GAB2: variants seen among roughly 807,000 people sequenced by gnomAD.
GAB2 encodes the protein GRB2 associated binding protein 2.
In GAB2, 26 loss-of-function variants were observed where a neutral mutation model predicts 65.5. The observed-to-expected ratio is 0.40, with a 90% CI of 0.29 to 0.55. The LOEUF is 0.55. Among genes scored for constraint, GAB2 ranks in the 20% least tolerant of loss-of-function variants. GAB2 has a pLI of 0.53. For missense variants in GAB2, 884 were observed against 875.8 expected (o/e 1.01, Z -0.12); for synonymous variants, 321 against 329.6 (o/e 0.97, Z 0.28).
Position 78,356,312 on chromosome 11 carries a change from G to A in GAB2, c.75+61334C>T, listed in dbSNP as rs546224118. ...GCTACTACTGGATATTGGGGCACTT[G>A]AGGGTGAGAGGTTAGTACTAACAAC... On this transcript the variant is annotated intron_variant, in intron 1 of 9. Coordinates refer to ENST00000361507, the MANE Select transcript of GAB2 (RefSeq NM_080491.3). Among the ~76,000 whole-genome samples, 6 of 152,308 alleles carry A rather than the reference G, an allele frequency of 3.9e-5. No homozygotes were observed. The East Asian group carries it at 1.2e-3, about 29-fold the overall frequency.
intron 6 of GAB2, among the ~76,000 whole-genome samples, chr11:78,223,122 A>G (rs1035790134): frequency 6.6e-6 from 1 of 152,168 alleles, no homozygotes; most frequent in African/African-American, 2.4e-5. Flanking sequence ...CAGGAGAGTG[A>G]GATTGTAGCA....
intron 3 of GAB2, among the ~76,000 whole-genome samples, chr11:78,228,997 G>C: frequency 6.6e-6 from 1 of 152,164 alleles, no homozygotes. Flanking sequence ...ATCTGGGCCA[G>C]GCAAAAGGGA....
At chr11:78,344,561 T>C (rs1056583901) in intron 1 of GAB2, among the ~76,000 whole-genome samples, 7 of 152,242 alleles carry the variant, frequency 4.6e-5, no homozygotes, top group African/African-American at 1.7e-4. Context: ...ATTATGAAAC[T>C]CAGCTATGCT....
chr11:78,406,007 A>G (rs1857039509), intron 1 of GAB2, among the ~76,000 whole-genome samples: 1 of 152,166 alleles, frequency 6.6e-6, no homozygotes, highest in African/African-American at 2.4e-5. Flanking sequence ...CTGACTGACA[A>G]CCTAGACTTC....
At chr11:78,309,926 A>ATGTGTGTGTGTGTGTGTGTGTG (rs60718900) in intron 1 of GAB2, among the ~76,000 whole-genome samples, 10 of 135,692 alleles carry the variant, frequency 7.4e-5, no homozygotes, top group African/African-American at 2.7e-4. Context: ...AGGGTTAGAA[A>ATGTGTGTGTGTGTGTGTGTGTG]TGTGTGTGTG....
intron 1 of GAB2, among the ~76,000 whole-genome samples, chr11:78,397,506 G>A (rs762423910): frequency 6.6e-6 from 1 of 152,358 alleles, no homozygotes; most frequent in East Asian, 1.9e-4. Flanking sequence ...TGATGAGGTG[G>A]ATGGTGCAGG....
chr11:78,223,664 T>C lies in GAB2; in HGVS notation c.1315A>G (p.Ile439Val). ...GVGSFLPGKMIVGRSDSTNSE... is the reference protein window; with the variant it reads ...GVGSFLPGKMVVGRSDSTNSE... ...TTGGTGCTGTCCGATCGGCCCACAATCATTTTCCCTGGCTAGGGAGAGGAA... is the reference window on the plus strand; with the variant it reads ...TTGGTGCTGTCCGATCGGCCCACAACCATTTTCCCTGGCTAGGGAGAGGAA... The change falls in exon 6 of 10, where the codon ATT (isoleucine) becomes GTT (valine). Residue 439 changes from isoleucine to valine, a missense_variant. By Grantham distance (29) the Ile-to-Val change is conservative (BLOSUM62 3). Transcript: ENST00000361507. 1 of 1,600,234 alleles carries C rather than the reference T, an allele frequency of 6.2e-7. No individual in the cohort carries two copies. Among genetic ancestry groups the C allele is most frequent in the Non-Finnish European group, 8.5e-7 (1 of 1,172,634 alleles).
intron 1 of GAB2, among the ~76,000 whole-genome samples, chr11:78,329,875 T>C (rs1855886005): frequency 6.6e-6 from 1 of 152,256 alleles, no homozygotes; most frequent in Non-Finnish European, 1.5e-5. Flanking sequence ...TTAGAAAATC[T>C]GGAAAACTAA....
At chr11:78,373,232 T>C (rs558404675) in intron 1 of GAB2, among the ~76,000 whole-genome samples, 19 of 151,616 alleles carry the variant, frequency 1.3e-4, no homozygotes, top group Admixed American at 9.9e-4. Context: ...TAGGTGATTA[T>C]AATGACTTTT....
intron 1 of GAB2, among the ~76,000 whole-genome samples, chr11:78,297,226 G>C (rs1295797743): frequency 6.6e-6 from 1 of 151,934 alleles, no homozygotes; most frequent in Non-Finnish European, 1.5e-5. Context: ...ATGTCGGGAG[G>C]ATGAGAAAAC....
intron 1 of GAB2, among the ~76,000 whole-genome samples, chr11:78,302,279 C>T (rs1867044753): frequency 6.6e-6 from 1 of 152,124 alleles, no homozygotes; most frequent in Non-Finnish European, 1.5e-5. Context: ...TCTTCACAGT[C>T]TATACATCTG....
rs144366979 is a variant in GAB2, at chr11:78,216,563, A to G, written c.*2709T>C. ...CTACCCCTACACTTGCACCCGAGGG[A>G]TTTTGGTAGTTACCAGAATAGGGGG... On this transcript the variant is annotated 3_prime_UTR_variant, in exon 10 of 10. Transcript: ENST00000361507. 2.2e-3 allele frequency: 341 copies of G among 152,080 alleles called. No individual in the cohort carries two copies. The highest frequency in any genetic ancestry group is 8.0e-3 in the African/African-American group (331 of 41,408). 9.4% of individuals were successfully genotyped at this position (152,080 alleles called of 1,614,324 possible). A position where few individuals can be genotyped will look rare whatever the true frequency, so the allele number is the denominator to read the frequency against.
At chr11:78,327,043 T>G (rs568787865) in intron 1 of GAB2, among the ~76,000 whole-genome samples, 2 of 152,192 alleles carry the variant, frequency 1.3e-5, no homozygotes, top group Non-Finnish European at 2.9e-5. Flanking sequence ...CACCATTCTT[T>G]GTCTATACTC....
At chr11:78,300,022 T>C (rs1246023297) in intron 1 of GAB2, among the ~76,000 whole-genome samples, 1 of 152,194 alleles carries the variant, frequency 6.6e-6, no homozygotes, top group East Asian at 1.9e-4. Flanking sequence ...GGCTGAATTT[T>C]ACAAATGTAT....
intron 1 of GAB2, among the ~76,000 whole-genome samples, chr11:78,349,190 G>A (rs1395429973): frequency 6.6e-6 from 1 of 152,080 alleles, no homozygotes; most frequent in African/African-American, 2.4e-5. Context: ...CTTTGAAGTT[G>A]ATAAGGAAAA....
At chr11:78,310,513 CAAAAAAAA>C (rs11285625) in intron 1 of GAB2, among the ~76,000 whole-genome samples, 1 of 74,744 alleles carries the variant, frequency 1.3e-5, no homozygotes, top group Non-Finnish European at 2.8e-5. Flanking sequence ...GACTCTGTCT[CAAAAAAAA>C]AAAAAAAAAG....
chr11:78,256,401 T>C (rs897083980), intron 2 of GAB2, among the ~76,000 whole-genome samples: 11 of 152,170 alleles, frequency 7.2e-5, no homozygotes, highest in African/African-American at 2.4e-4. Flanking sequence ...AGGGGAGTGA[T>C]TCTAGAAATG....
chr11:78,326,960 G>C (rs1183498995), intron 1 of GAB2, among the ~76,000 whole-genome samples: 3 of 152,216 alleles, frequency 2.0e-5, no homozygotes, highest in Non-Finnish European at 4.4e-5. Context: ...TGGGATGAAG[G>C]CTAAGAAGAA....
At chr11:78,334,522 GC>G (rs1855966853) in intron 1 of GAB2, among the ~76,000 whole-genome samples, 1 of 152,168 alleles carries the variant, frequency 6.6e-6, no homozygotes, top group African/African-American at 2.4e-5. Context: ...ATCTGTCTGT[GC>G]CTGGCTTATT....
Sources: allele counts gnomAD v4.1 joint callset (sites outside exome capture counted in the v4.1 genomes callset), GRCh38; gene constraint gnomAD v4.1.1; transcripts MANE v1.5; gene names NCBI Gene and HGNC (gene_info 2026-07-23, HGNC 2026-07-21).